ADGRL3: variants seen among roughly 807,000 people sequenced by gnomAD.
ADGRL3 encodes calcium-independent alpha-latrotoxin receptor 3.
ADGRL3 carries 62 observed loss-of-function variants against 153.5 expected under a neutral mutation model. The observed-to-expected ratio is 0.40, with a 90% CI of 0.33 to 0.50. ADGRL3 has a LOEUF of 0.50. Among genes scored for constraint, ADGRL3 ranks in the 20% least tolerant of loss-of-function variants. The pLI is 0.47. For missense variants in ADGRL3, 1,641 were observed against 1,859.4 expected, an observed-to-expected ratio of 0.88 and a Z score of 2.16; for synonymous variants, 710 against 672.5, an observed-to-expected ratio of 1.06 and a Z score of -0.86.
intron 1 of ADGRL3, among the ~76,000 whole-genome samples, chr4:61,355,204 G>T (rs562587929): frequency 2.6e-5 from 4 of 152,060 alleles, no homozygotes; most frequent in Non-Finnish European, 5.9e-5. Flanking sequence ...TAGAAATGCT[G>T]TCAGGTTCAA....
At chr4:61,935,699 G>A (rs1168919657) in intron 14 of ADGRL3, among the ~76,000 whole-genome samples, 1 of 151,892 alleles carries the variant, frequency 6.6e-6, no homozygotes, top group Non-Finnish European at 1.5e-5. Flanking sequence ...TAAATTTTAG[G>A]CTTTATTATT....
intron 1 of ADGRL3, among the ~76,000 whole-genome samples, chr4:61,253,691 C>CCACAGACACA (rs1553885090): frequency 7.1e-6 from 1 of 140,396 alleles, no homozygotes; most frequent in African/African-American, 2.5e-5. Context: ...ATGTTCAGTT[C>CCACAGACACA]CACACACACA....
chr4:61,211,167 G>A (rs549184800), intron 1 of ADGRL3, among the ~76,000 whole-genome samples: 5 of 152,174 alleles, frequency 3.3e-5, no homozygotes, highest in African/African-American at 4.8e-5. Context: ...TTGCAAAGAC[G>A]CCTCCAGCTA....
At chr4:61,268,539 T>A (rs1269189471) in intron 1 of ADGRL3, among the ~76,000 whole-genome samples, 7 of 151,500 alleles carry the variant, frequency 4.6e-5, no homozygotes, top group African/African-American at 1.5e-4. Context: ...TTGAGAAAAA[T>A]TTTCATGTAA....
chr4:61,517,625 C>T, intron 4 of ADGRL3, 107 bp downstream of exon 4: 1 of 646,490 alleles, frequency 1.5e-6, no homozygotes, highest in Admixed American at 2.3e-5. Context: ...AGTTTACTGT[C>T]TGCATTCACT....
intron 8 of ADGRL3, among the ~76,000 whole-genome samples, chr4:61,763,541 G>A (rs1278911663): frequency 2.0e-5 from 3 of 151,986 alleles, no homozygotes; most frequent in African/African-American, 7.2e-5. Flanking sequence ...GCACATTTAC[G>A]AATATACTAT....
intron 4 of ADGRL3, among the ~76,000 whole-genome samples, chr4:61,564,892 G>A (rs769400274): frequency 3.0e-4 from 45 of 152,114 alleles, no homozygotes; most frequent in East Asian, 7.7e-4. Context: ...CTGGTAGAGC[G>A]GTTGGAGCAC....
intron 1 of ADGRL3, among the ~76,000 whole-genome samples, chr4:61,291,567 C>CATAT (rs1164521408): frequency 2.4e-4 from 32 of 134,336 alleles, no homozygotes; most frequent in South Asian, 4.7e-4. Context: ...TATATATATA[C>CATAT]ATATATATAT....
intron 6 of ADGRL3, among the ~76,000 whole-genome samples, chr4:61,705,289 C>T (rs1356650671): frequency 6.6e-6 from 1 of 151,918 alleles, no homozygotes; most frequent in East Asian, 1.9e-4. Flanking sequence ...GGAATGAAAA[C>T]AACATTAATG....
chr4:61,771,286 G>C (rs2097083202), intron 8 of ADGRL3, among the ~76,000 whole-genome samples: 1 of 152,158 alleles, frequency 6.6e-6, no homozygotes, highest in Admixed American at 6.5e-5. Flanking sequence ...TTGTGGGGTG[G>C]GTTGGAAGTT....
chr4:61,288,065 C>G (rs922690769), intron 1 of ADGRL3, among the ~76,000 whole-genome samples: 1 of 151,962 alleles, frequency 6.6e-6, no homozygotes, highest in African/African-American at 2.4e-5. Flanking sequence ...ATAACTGGAA[C>G]AGTATCTAAT....
At chr4:61,632,238 G>C (rs10032879) in intron 5 of ADGRL3, among the ~76,000 whole-genome samples, 151,473 of 152,264 alleles carry the variant, frequency 0.99, 75,348 homozygotes, top group Middle Eastern at 1. Context: ...TTTATTTTTG[G>C]ACACTGGAAA....
intron 18 of ADGRL3, 91 bp from the exon 19 acceptor site, chr4:61,983,292 A>G (rs1226774732): frequency 1.1e-6 from 1 of 895,284 alleles, no homozygotes; most frequent in East Asian, 2.6e-5. Context: ...ATTGTAATGC[A>G]GTTTTGGTAA....
At chr4:61,406,083 C>T (rs756658598) in intron 2 of ADGRL3, among the ~76,000 whole-genome samples, 38 of 151,948 alleles carry the variant, frequency 2.5e-4, no homozygotes, top group African/African-American at 3.6e-4. Flanking sequence ...TTATTGAGAG[C>T]GCCCTATATA....
At chr4:61,257,484 A>G (rs989844281) in intron 1 of ADGRL3, among the ~76,000 whole-genome samples, 1 of 152,214 alleles carries the variant, frequency 6.6e-6, no homozygotes, top group Non-Finnish European at 1.5e-5. Context: ...TGTGTGGGCC[A>G]GTGAACCTAT....
At chr4:61,443,607 TATACTTC>T (rs2097549461) in intron 2 of ADGRL3, among the ~76,000 whole-genome samples, 1 of 152,182 alleles carries the variant, frequency 6.6e-6, no homozygotes, top group Non-Finnish European at 1.5e-5. Flanking sequence ...TTGTGTTATG[TATACTTC>T]ATGTGTTTAT....
At chr4:61,466,106 G>A (rs919888150) in intron 2 of ADGRL3, among the ~76,000 whole-genome samples, 6 of 151,872 alleles carry the variant, frequency 4.0e-5, no homozygotes, top group African/African-American at 1.2e-4. Context: ...GGGCGACAGA[G>A]CAAGACTCCA....
At chr4:61,403,662 A>T (rs1277437941) in intron 2 of ADGRL3, among the ~76,000 whole-genome samples, 1 of 152,114 alleles carries the variant, frequency 6.6e-6, no homozygotes, top group Admixed American at 6.6e-5. Context: ...GTTTGTGGAA[A>T]TCTGCTATTC....
chr4:61,432,730 C>T (rs1420721467), intron 2 of ADGRL3, among the ~76,000 whole-genome samples: 6 of 149,176 alleles, frequency 4.0e-5, no homozygotes, highest in Admixed American at 1.3e-4. Context: ...CTCGGCGCAC[C>T]GCAACCTCTG....
Sources: allele counts gnomAD v4.1 joint callset (sites outside exome capture counted in the v4.1 genomes callset), GRCh38; gene constraint gnomAD v4.1.1; transcripts MANE v1.5; gene names NCBI Gene and HGNC (gene_info 2026-07-23, HGNC 2026-07-21).